The following PRKN variants were observed in gnomAD, a reference collection of about 807,000 sequenced individuals.
PRKN encodes parkin RBR E3 ubiquitin protein ligase.
PRKN carries 56 observed loss-of-function variants against 59.5 expected under a neutral mutation model. The observed-to-expected ratio is 0.94, with a 90% CI of 0.76 to 1.18. The LOEUF (loss-of-function observed/expected upper bound fraction) is 1.18. Among genes scored for constraint, PRKN ranks in the 50% most tolerant of loss-of-function variants. The pLI, the probability that PRKN is intolerant of heterozygous loss-of-function variation, is 0.00. For missense variants in PRKN, 657 were observed against 596.4 expected, an observed-to-expected ratio of 1.10 and a Z score of -1.06; for synonymous variants, 250 against 222.1, an observed-to-expected ratio of 1.13 and a Z score of -1.12.
At chr6:161,672,924 T>A (rs959419429) in intron 7 of PRKN, among the ~76,000 whole-genome samples, 1 of 152,216 alleles carries the variant, frequency 6.6e-6, no homozygotes, top group Non-Finnish European at 1.5e-5. Flanking sequence ...GTGTTTTCTA[T>A]GAATTTCCTA....
intron 7 of PRKN, among the ~76,000 whole-genome samples, chr6:161,647,776 T>C (rs1784009969): frequency 6.6e-6 from 1 of 152,222 alleles, no homozygotes; most frequent in South Asian, 2.1e-4. Flanking sequence ...GTGTTAAGCA[T>C]ATTGTGTCAC....
At chr6:161,899,178 C>T (rs1777784182) in intron 6 of PRKN, among the ~76,000 whole-genome samples, 1 of 152,220 alleles carries the variant, frequency 6.6e-6, no homozygotes, top group Admixed American at 6.5e-5. Context: ...GCACACATTT[C>T]ACAGATGAGG....
rs547388899 is a variant in PRKN, at chr6:162,611,296, T to C, written c.7+116366A>G. ...AAAGTAGCTTATTGCTTTTCAAATA[T>C]TTGGATGATAGAATAAGAATACAAA... On this transcript the variant is annotated intron_variant, in intron 1 of 11. Coordinates refer to ENST00000366898, the MANE Select transcript of PRKN (RefSeq NM_004562.3). Among the ~76,000 whole-genome samples the C allele has an allele frequency of 7.9e-5, 12 of 152,296 alleles. 2 individuals are homozygous for C. The highest frequency in any genetic ancestry group is 2.9e-4 in the African/African-American group (12 of 41,576).
At chr6:161,798,653 C>G (rs1249300354) in intron 6 of PRKN, among the ~76,000 whole-genome samples, 1 of 152,122 alleles carries the variant, frequency 6.6e-6, no homozygotes, top group Non-Finnish European at 1.5e-5. Context: ...ATTTTACTCC[C>G]TGGGAGACTT....
chr6:161,724,668 T>C (rs1006270626), intron 7 of PRKN, among the ~76,000 whole-genome samples: 1 of 152,232 alleles, frequency 6.6e-6, no homozygotes, highest in Non-Finnish European at 1.5e-5. Context: ...TATTTTATCA[T>C]GCAGGGTGAA....
In PRKN at chr6:161,410,631, T is replaced by A. The variant is rs1471447186; in HGVS notation, c.1084-23754A>T. Among the ~76,000 whole-genome samples the A allele has an allele frequency of 1.3e-5, 2 of 152,024 alleles. No individual in the cohort carries two copies. The highest frequency in any genetic ancestry group is 2.9e-5 in the Non-Finnish European group (2 of 68,024). On this transcript the variant is annotated intron_variant, in intron 9 of 11. Coordinates refer to ENST00000366898, the MANE Select transcript of PRKN (RefSeq NM_004562.3). The surrounding 1 kb of genome is among the most constrained non-coding windows in gnomAD (Gnocchi z 5.3). The stretch of plus-strand genomic sequence containing the variant: ...CCATTCTGGTGCTCATCGTGGGCCA[T>A]GCGTTGGTTACAAGGAAGCAGATGG...
intron 7 of PRKN, among the ~76,000 whole-genome samples, chr6:161,612,091 T>C (rs1302258845): frequency 6.6e-6 from 1 of 152,180 alleles, no homozygotes; most frequent in African/African-American, 2.4e-5. Context: ...TAACAAAAGT[T>C]TGAAACTATG....
intron 1 of PRKN, among the ~76,000 whole-genome samples, chr6:162,492,450 T>C (rs1792859152): frequency 6.7e-6 from 1 of 150,204 alleles, no homozygotes; most frequent in Non-Finnish European, 1.5e-5. Context: ...GCTGAGGCTC[T>C]TTATCGAGGA....
intron 6 of PRKN, among the ~76,000 whole-genome samples, chr6:161,794,564 A>G (rs1263799983): frequency 6.6e-6 from 1 of 152,116 alleles, no homozygotes; most frequent in Non-Finnish European, 1.5e-5. Flanking sequence ...GTGCCCATGT[A>G]TTAAGGCCTC....
At chr6:162,258,831 T>C (rs2128098892) in intron 3 of PRKN, among the ~76,000 whole-genome samples, 1 of 152,340 alleles carries the variant, frequency 6.6e-6, no homozygotes, top group South Asian at 2.1e-4. Flanking sequence ...TAGTGTGACA[T>C]GCTTGCGTTC....
chr6:162,553,265 C>T (rs893989718), intron 1 of PRKN, among the ~76,000 whole-genome samples: 5 of 151,908 alleles, frequency 3.3e-5, no homozygotes, highest in East Asian at 1.9e-4. Flanking sequence ...GGAGAAAGGA[C>T]GCTTTTTCTC....
At chr6:161,923,029 G>A (rs1778840730) in intron 6 of PRKN, among the ~76,000 whole-genome samples, 1 of 152,198 alleles carries the variant, frequency 6.6e-6, no homozygotes, top group Admixed American at 6.5e-5. Context: ...CTCCAGGCTG[G>A]CAGGCATCTT....
chr6:162,608,723 G>C (rs894360596), intron 1 of PRKN, among the ~76,000 whole-genome samples: 2 of 152,206 alleles, frequency 1.3e-5, no homozygotes, highest in African/African-American at 4.8e-5. Flanking sequence ...TCAGATGTGA[G>C]CCAGGATCCA....
At chr6:162,357,156 G>A (rs1784907283) in intron 2 of PRKN, among the ~76,000 whole-genome samples, 1 of 151,974 alleles carries the variant, frequency 6.6e-6, no homozygotes, top group Non-Finnish European at 1.5e-5. Context: ...CTTCTGCTCT[G>A]CAAAAGACAC....
chr6:161,791,201 A>C (rs1253587318), intron 6 of PRKN, among the ~76,000 whole-genome samples: 1 of 152,234 alleles, frequency 6.6e-6, no homozygotes, highest in African/African-American at 2.4e-5. Flanking sequence ...TGACAATGCC[A>C]AAGAGTTATT....
chr6:162,223,346 A>C (rs765032396), intron 3 of PRKN, among the ~76,000 whole-genome samples: 1 of 152,008 alleles, frequency 6.6e-6, no homozygotes, highest in African/African-American at 2.4e-5. Context: ...CATGTGATTG[A>C]CACTCTTGGC....
intron 1 of PRKN, among the ~76,000 whole-genome samples, chr6:162,555,553 T>C (rs1779526222): frequency 6.6e-6 from 1 of 152,124 alleles, no homozygotes; most frequent in Admixed American, 6.5e-5. Flanking sequence ...CTGAGATAAC[T>C]CACCCTCTTG....
chr6:161,584,908 A>G lies in PRKN; in HGVS notation c.872-15492T>C, dbSNP rs1484331615. 6.6e-6 allele frequency among the ~76,000 whole-genome samples: 1 copy of G among 152,242 alleles called. No homozygotes were observed. Among genetic ancestry groups the G allele is most frequent in the Admixed American group, 6.5e-5 (1 of 15,288 alleles). On this transcript the variant is annotated intron_variant, in intron 7 of 11. Coordinates refer to ENST00000366898, the MANE Select transcript of PRKN (RefSeq NM_004562.3). The surrounding 1 kb of genome is among the most constrained non-coding windows in gnomAD (Gnocchi z 4.8). ...CAAGCCTGGCTGCCGGGATGGCTGT[A>G]TTAGCAATGCAGTGCTATTTCATAA...
intron 5 of PRKN, among the ~76,000 whole-genome samples, chr6:162,021,959 G>GC (rs1178361352): frequency 3.9e-5 from 6 of 151,964 alleles, no homozygotes; most frequent in South Asian, 4.2e-4. Context: ...TTGATTTTTT[G>GC]TTTCTGCATT....
Sources: allele counts gnomAD v4.1 joint callset (sites outside exome capture counted in the v4.1 genomes callset), GRCh38; gene constraint gnomAD v4.1.1; non-coding constraint Gnocchi (gnomAD v3.1); transcripts MANE v1.5; gene names NCBI Gene and HGNC (gene_info 2026-07-23, HGNC 2026-07-21).